The following CADPS2 variants were observed in gnomAD, a reference collection of about 807,000 sequenced individuals.
CADPS2 encodes calcium-dependent secretion activator 2.
Under a neutral mutation model 172.5 loss-of-function variants are expected in CADPS2, and 93 were observed. The observed-to-expected ratio is 0.54, with a 90% confidence interval of 0.46 to 0.64. CADPS2 has a LOEUF of 0.64. Ranked by LOEUF, CADPS2 falls within the 30% of genes least tolerant of loss-of-function variation. The probability of loss-of-function intolerance (pLI) is 0.00; values close to 1 mark genes in which losing one functional copy is unlikely to be tolerated. For synonymous variants in CADPS2, 546 were observed against 555.2 expected, an observed-to-expected ratio of 0.98 and a Z score of 0.23; for missense variants, 1,420 against 1,565.9, an observed-to-expected ratio of 0.91 and a Z score of 1.57.
chr7:122,576,552 T>G (rs2068062597), intron 7 of CADPS2, among the ~76,000 whole-genome samples: 1 of 152,172 alleles, frequency 6.6e-6, no homozygotes, highest in African/African-American at 2.4e-5. Context: ...TAATGTACAT[T>G]CTTTGTAACA....
chr7:122,794,752 T>TTA (rs1491501348), intron 1 of CADPS2, among the ~76,000 whole-genome samples: 2 of 135,286 alleles, frequency 1.5e-5, no homozygotes, highest in African/African-American at 5.4e-5. Context: ...GAAATCATTT[T>TTA]AAAAAAAAAA....
At chr7:122,648,767 A>G (rs2078826499) in intron 3 of CADPS2, among the ~76,000 whole-genome samples, 1 of 152,162 alleles carries the variant, frequency 6.6e-6, no homozygotes, top group Non-Finnish European at 1.5e-5. Flanking sequence ...AAAGGACAAT[A>G]CAGAGTGCAG....
chr7:122,706,756 T>C (rs1376293595), intron 2 of CADPS2, among the ~76,000 whole-genome samples: 1 of 148,016 alleles, frequency 6.8e-6, no homozygotes, highest in East Asian at 2.0e-4. Flanking sequence ...GGAATATATA[T>C]ATATATAAAA....
At chr7:122,800,073 G>A (rs764110696) in intron 1 of CADPS2, among the ~76,000 whole-genome samples, 7 of 152,186 alleles carry the variant, frequency 4.6e-5, no homozygotes, top group Admixed American at 6.5e-5. Flanking sequence ...TATTTAACAA[G>A]TGGAAAAGTA....
intron 3 of CADPS2, among the ~76,000 whole-genome samples, chr7:122,660,641 T>C (rs13226270): frequency 0.051 from 7,730 of 150,834 alleles, 256 homozygotes; most frequent in African/African-American, 0.059. Flanking sequence ...CCAAGCGCTG[T>C]GGCTCACACC....
At chr7:122,411,190 C>A (rs2047262902) in intron 19 of CADPS2, among the ~76,000 whole-genome samples, 1 of 150,674 alleles carries the variant, frequency 6.6e-6, no homozygotes, top group African/African-American at 2.4e-5. Context: ...TATATCTTTT[C>A]TACTTTTTAT....
At chr7:122,824,367 A>T (rs904707896) in intron 1 of CADPS2, among the ~76,000 whole-genome samples, 1 of 152,222 alleles carries the variant, frequency 6.6e-6, no homozygotes, top group African/African-American at 2.4e-5. Context: ...TCATATAGGC[A>T]CTGGTGAATT....
At chr7:122,323,873 TTATATATATATATATATA>T (rs71159788) in intron 29 of CADPS2, among the ~76,000 whole-genome samples, 2,159 of 112,384 alleles carry the variant, frequency 0.019, 35 homozygotes, top group Non-Finnish European at 0.022. Flanking sequence ...TATGTATATT[TTATATATATATATATATA>T]TATATATATA....
intron 1 of CADPS2, among the ~76,000 whole-genome samples, chr7:122,844,831 G>T (rs577431049): frequency 1.6e-4 from 25 of 152,050 alleles, no homozygotes; most frequent in Non-Finnish European, 2.6e-4. Flanking sequence ...ATTCACATAA[G>T]GCTGAAGAGA....
In CADPS2 at chr7:122,474,389, A is replaced by T. The variant is rs777612683; in HGVS notation, c.1990T>A (p.Ser664Thr). Reference sequence around the variant, plus strand: ...GATAGACTTGTACTCACCAAGCAAGAATAGGAATCATTCAGTCTGTGATCC... The same window carrying T: ...GATAGACTTGTACTCACCAAGCAAGTATAGGAATCATTCAGTCTGTGATCC... ...TLDHRLNDSY[S>T]CLGWFSPGQV... The change falls in exon 13 of 30, where the codon TCT becomes ACT. Residue 664 changes from serine to threonine, a missense_variant. Physicochemically the swap from Ser to Thr is moderately conservative, Grantham distance 58. Transcript: ENST00000449022. 1 of 1,613,478 alleles carries T rather than the reference A, an allele frequency of 6.2e-7. No individual in the cohort carries two copies. Among genetic ancestry groups the T allele is most frequent in the South Asian group, 1.1e-5 (1 of 91,070 alleles).
At chr7:122,613,944 A>G (rs566765084) in intron 6 of CADPS2, among the ~76,000 whole-genome samples, 1 of 152,202 alleles carries the variant, frequency 6.6e-6, no homozygotes, top group African/African-American at 2.4e-5. Context: ...CCAAAATTAA[A>G]AAGTGGTCAG....
chr7:122,542,871 C>A (rs967309766), intron 8 of CADPS2, among the ~76,000 whole-genome samples: 5 of 152,000 alleles, frequency 3.3e-5, no homozygotes, highest in African/African-American at 1.2e-4. Flanking sequence ...TAATAAACAT[C>A]CATAAACACA....
intron 15 of CADPS2, among the ~76,000 whole-genome samples, chr7:122,442,101 A>G (rs1164704859): frequency 6.6e-6 from 1 of 152,168 alleles, no homozygotes; most frequent in East Asian, 1.9e-4. Flanking sequence ...TCTTTTGAAT[A>G]CAGTCATTTG....
At chr7:122,855,232 C>G (rs1378002684) in intron 1 of CADPS2, among the ~76,000 whole-genome samples, 1 of 152,156 alleles carries the variant, frequency 6.6e-6, no homozygotes, top group Non-Finnish European at 1.5e-5. Context: ...TGCCTGGAAG[C>G]CAGTTCTTCC....
intron 1 of CADPS2, among the ~76,000 whole-genome samples, chr7:122,819,815 CA>C (rs778556053): frequency 6.6e-6 from 1 of 152,050 alleles, no homozygotes; most frequent in Non-Finnish European, 1.5e-5. Context: ...CCTTAATTCA[CA>C]AGTATAAGAT....
At chr7:122,415,275 A>T (rs2047745801) in intron 18 of CADPS2, among the ~76,000 whole-genome samples, 2 of 152,134 alleles carry the variant, frequency 1.3e-5, no homozygotes, top group Admixed American at 1.3e-4. Context: ...TATGTCACAA[A>T]TTTTCCCCTT....
intron 3 of CADPS2, among the ~76,000 whole-genome samples, chr7:122,649,318 C>A (rs2078892911): frequency 6.6e-6 from 1 of 152,000 alleles, no homozygotes; most frequent in Non-Finnish European, 1.5e-5. Flanking sequence ...TATTAAACTT[C>A]AATTAAATGT....
intron 14 of CADPS2, among the ~76,000 whole-genome samples, chr7:122,469,556 A>G (rs1035180601): frequency 6.6e-6 from 1 of 152,152 alleles, no homozygotes; most frequent in African/African-American, 2.4e-5. Context: ...ATAGTGGGGA[A>G]AAAACTACTA....
intron 1 of CADPS2, among the ~76,000 whole-genome samples, chr7:122,839,026 C>A (rs528994223): frequency 6.6e-6 from 1 of 152,298 alleles, no homozygotes; most frequent in South Asian, 2.1e-4. Flanking sequence ...TCACTTCAAA[C>A]CATACTACAA....
Sources: allele counts gnomAD v4.1 joint callset (sites outside exome capture counted in the v4.1 genomes callset), GRCh38; gene constraint gnomAD v4.1.1; transcripts MANE v1.5; gene names NCBI Gene and HGNC (gene_info 2026-07-23, HGNC 2026-07-21).